The following PRR12 variants were observed in gnomAD, a reference collection of about 807,000 sequenced individuals.
PRR12 encodes proline rich 12.
Under a neutral mutation model 138.0 loss-of-function variants are expected in PRR12, and 12 were observed. That is an observed-to-expected ratio of 0.09 (90% CI 0.06 to 0.14). The LOEUF (loss-of-function observed/expected upper bound fraction) is 0.14. Among genes scored for constraint, PRR12 ranks in the 10% least tolerant of loss-of-function variants. The pLI is 1.00. For synonymous variants in PRR12, 1,567 were observed against 1,291.7 expected, an observed-to-expected ratio of 1.21 and a Z score of -4.57; for missense variants, 2,692 against 2,861.3, an observed-to-expected ratio of 0.94 and a Z score of 1.35.
chr19:49,603,403 A>AAT (rs1207087443), intron 6 of PRR12, among the ~76,000 whole-genome samples: 1 of 152,192 alleles, frequency 6.6e-6, no homozygotes, highest in African/African-American at 2.4e-5. Context: ...TGTGACATTT[A>AAT]ATCTTGGCGG....
rs1305473967 is a variant in PRR12, at chr19:49,595,421, C to T, written c.1086C>T (p.Ala362=). 1 of 1,546,168 alleles carries T rather than the reference C, an allele frequency of 6.5e-7. No individual in the cohort carries two copies. Among genetic ancestry groups the T allele is most frequent in the Non-Finnish European group, 8.7e-7 (1 of 1,145,894 alleles). The change falls in exon 4 of 14, where the codon GCC becomes GCT. Residue 362 remains alanine (A), a synonymous_variant. Coordinates refer to ENST00000418929, the MANE Select transcript of PRR12 (RefSeq NM_020719.3). ...CCACGGCTGGGGCATCTGGCCGGGC[C>T]ACGGGCCCTGAGGCAGCAGGGGGCG... is the stretch of plus-strand genomic sequence containing the variant. The part of the protein sequence containing the change: ...SGATAGASGR[A]TGPEAAGGGG...
In PRR12 at chr19:49,595,508, G is replaced by A. The variant is rs533594465; in HGVS notation, c.1173G>A (p.Thr391=). ...TCATTCAGTCGCCTGGGTACAAGACGGGCAAAGGTGGTTATGGAGCAGCTG... is the reference window on the plus strand; with the variant it reads ...TCATTCAGTCGCCTGGGTACAAGACAGGCAAAGGTGGTTATGGAGCAGCTG... ...RPIIQSPGYK[T]GKGGYGAAAG... Residue 391 remains threonine, a synonymous_variant, in exon 4 of 14, where the codon ACG becomes ACA. Transcript: ENST00000418929. 25 of 1,563,206 alleles carry A rather than the reference G, an allele frequency of 1.6e-5. No individual in the cohort carries two copies. The East Asian group carries it at 1.9e-4, about 12-fold the overall frequency.
chr19:49,597,173 C>T lies in PRR12; in HGVS notation c.2838C>T (p.Phe946=), dbSNP rs761439398. The T allele has an allele frequency of 3.2e-6, 5 of 1,553,520 alleles. No homozygotes were observed. Among genetic ancestry groups the T allele is most frequent in the Non-Finnish European group, 8.7e-7 (1 of 1,148,574 alleles). The part of the protein sequence containing the change: ...DSLLQDEERS[F]FPTMEEMFGG... Reference sequence around the variant, plus strand: ...TGCTCCAAGACGAGGAGCGCAGCTTCTTCCCCACCATGGAGGAGATGTTCG... The same window carrying T: ...TGCTCCAAGACGAGGAGCGCAGCTTTTTCCCCACCATGGAGGAGATGTTCG... Residue 946 remains phenylalanine (F), a synonymous_variant, in exon 4 of 14, where the codon TTC becomes TTT. Transcript: ENST00000418929. The surrounding 1 kb of genome is among the most constrained non-coding windows in gnomAD (Gnocchi z 6.3).
chr19:49,594,537 C>G lies in PRR12; in HGVS notation c.283C>G (p.Leu95Val). The change falls in exon 3 of 14, where the codon CTG (leucine) becomes GTG (valine). Residue 95 changes from leucine to valine, a missense_variant. This residue lies in a region of PRR12 where 211 missense variants were observed against 266.3 expected (regional missense o/e 0.79). Coordinates refer to ENST00000418929, the MANE Select transcript of PRR12 (RefSeq NM_020719.3). This position sits in a 1 kb window ranked among gnomAD's most constrained non-coding sequence, Gnocchi z 5.6. ...DASVMNLISA[L>V]ESRGPQPGPS... ...CTCCGTCATGAACCTTATCTCGGCC[C>G]TGGAATCCCGGGGCCCCCAGCCTGG... 1 of 1,613,066 alleles carries G rather than the reference C, an allele frequency of 6.2e-7. No homozygotes were observed. The highest frequency in any genetic ancestry group is 1.1e-5 in the South Asian group (1 of 91,036).
chr19:49,602,946 G>A (rs1356921166), intron 6 of PRR12, among the ~76,000 whole-genome samples: 1 of 152,238 alleles, frequency 6.6e-6, no homozygotes, highest in Non-Finnish European at 1.5e-5. Flanking sequence ...GCAGGAGCTT[G>A]AAAACTATGG....
rs1568424397 is a variant in PRR12 at position 49,599,141 on chromosome 19, G to A, written c.3679-131G>A. 1.2e-6 allele frequency: 1 copy of A among 849,202 alleles called. No homozygotes were observed. Among genetic ancestry groups the A allele is most frequent in the Non-Finnish European group, 1.7e-6 (1 of 572,380 alleles). The allele number at this position is 849,202 out of a possible 1,614,324, so 52.6% of individuals were successfully genotyped here. On this transcript the variant is annotated intron_variant, in intron 4 of 13. Transcript: ENST00000418929. The surrounding 1 kb of genome is among the most constrained non-coding windows in gnomAD (Gnocchi z 5.0). ...TTGTCCTCCTAGAATCTAAGACAAG[G>A]GGTCTGCAGGTTTGAATTCTATAAA...
chr19:49,604,768 C>T (rs925990330), intron 6 of PRR12, among the ~76,000 whole-genome samples: 16 of 152,230 alleles, frequency 1.1e-4, no homozygotes, highest in African/African-American at 2.9e-4. Flanking sequence ...ATAAAATAAA[C>T]TTGATTATAG....
Position 49,597,702 on chromosome 19 carries a change from G to A in PRR12, c.3367G>A (p.Asp1123Asn), listed in dbSNP as rs760778171. ...DIRLNPRRLP[D>N]LVSSCRSRPA... ...CCGCCTCAACCCCCGGCGCTTGCCTGACCTGGTCTCCAGCTGCCGCTCCCG... is the reference window on the plus strand; with the variant it reads ...CCGCCTCAACCCCCGGCGCTTGCCTAACCTGGTCTCCAGCTGCCGCTCCCG... Residue 1123 changes from aspartate (D) to asparagine (N), a missense_variant, in exon 4 of 14, where the codon GAC becomes AAC. Transcript: ENST00000418929. This position sits in a 1 kb window ranked among gnomAD's most constrained non-coding sequence, Gnocchi z 6.3. 1 of 1,606,518 alleles carries A rather than the reference G, an allele frequency of 6.2e-7. No homozygotes were observed. Among genetic ancestry groups the A allele is most frequent in the Non-Finnish European group, 8.5e-7 (1 of 1,177,764 alleles).
rs760498988 is a variant in PRR12, at chr19:49,595,119, T to C, written c.784T>C (p.Ser262Pro). 2 of 1,611,128 alleles carry C rather than the reference T, an allele frequency of 1.2e-6. No individual in the cohort carries two copies. The highest frequency in any genetic ancestry group is 1.7e-6 in the Non-Finnish European group (2 of 1,179,596). ...TGCCGCCGCCGCTGCCGAGCAGTCC[T>C]CCCCACAGCTCTATAACTTCTCGGG... ...SAAAAAAEQS[S>P]PQLYNFSGAA... Residue 262 changes from serine (S) to proline (P), a missense_variant, in exon 4 of 14, where the codon TCC (serine) becomes CCC (proline). Physicochemically the swap from Ser to Pro is moderately conservative, Grantham distance 74. Around this residue, in one of 11 missense-constraint regions of PRR12, gnomAD observed 523 missense variants for 496.4 expected, o/e 1.05. Coordinates refer to ENST00000418929, the MANE Select transcript of PRR12 (RefSeq NM_020719.3).
In PRR12 at chr19:49,599,760, C is replaced by G; in HGVS notation, c.4167C>G (p.Ala1389=). The change falls in exon 5 of 14, where the codon GCC becomes GCG. Residue 1389 remains alanine, a synonymous_variant. Transcript: ENST00000418929. The surrounding 1 kb of genome is among the most constrained non-coding windows in gnomAD (Gnocchi z 5.0). ...CCTCGGATGAGGAAGACTCTGTCGC[C>G]AAGAACCGAGACCTGCAGGAGAGCA... ...SFSSDEEDSV[A]KNRDLQESIS... The G allele has an allele frequency of 6.2e-7, 1 of 1,613,662 alleles. No homozygotes were observed. Among genetic ancestry groups the G allele is most frequent in the Non-Finnish European group, 8.5e-7 (1 of 1,179,898 alleles).
intron 6 of PRR12, among the ~76,000 whole-genome samples, chr19:49,612,083 T>G (rs2080869647): frequency 6.6e-6 from 1 of 151,438 alleles, no homozygotes; most frequent in Non-Finnish European, 1.5e-5. Flanking sequence ...ATACAAAAAT[T>G]AGCTGAGCGT....
chr19:49,594,118 G>A lies in PRR12; in HGVS notation c.200-336G>A, dbSNP rs936903978. 6.6e-6 allele frequency among the ~76,000 whole-genome samples: 1 copy of A among 151,840 alleles called. No individual in the cohort carries two copies. The highest frequency in any genetic ancestry group is 1.5e-5 in the Non-Finnish European group (1 of 67,960). On this transcript the variant is annotated intron_variant, in intron 2 of 13. Transcript: ENST00000418929. The surrounding 1 kb of genome is among the most constrained non-coding windows in gnomAD (Gnocchi z 5.6). ...TCCTTGCTGGAAATATCCAAATTTG[G>A]TCTCCCTCCCAGCCTTACTGAGGAC... is the stretch of plus-strand genomic sequence containing the variant.
rs541490753 is a variant in PRR12 at position 49,624,710 on chromosome 19, C to G, written c.5722-134C>G. 133 of 1,329,132 alleles carry G rather than the reference C, an allele frequency of 1.0e-4. No individual in the cohort carries two copies. The African/African-American group carries it at 1.9e-3, about 19-fold the overall frequency. 82.3% of individuals were successfully genotyped at this position (1,329,132 alleles called of 1,614,324 possible). A position where few individuals can be genotyped will look rare whatever the true frequency, so the allele number is the denominator to read the frequency against. ...CTGGTCAGGCCCAGCCTCCTCTGTC[C>G]TTTGAGGAGACTCTAGTTGTCTCTC... On this transcript the variant is annotated intron_variant, in intron 11 of 13. Transcript: ENST00000418929.
rs1324748685 is a variant in PRR12, at chr19:49,597,068, C to A, written c.2733C>A (p.Gly911=). Residue 911 remains glycine (G), a synonymous_variant, in exon 4 of 14, where the codon GGC becomes GGA. Transcript: ENST00000418929. This position sits in a 1 kb window ranked among gnomAD's most constrained non-coding sequence, Gnocchi z 6.3. ...ACTCGGAGGGCAAGGATCCCGCAGG[C>A]GCCTACCGCAGCCCCAGCCCGCAAG... ...PPNSEGKDPA[G]AYRSPSPQGT... 1.3e-6 allele frequency: 2 copies of A among 1,552,698 alleles called. No homozygotes were observed. The highest frequency in any genetic ancestry group is 4.9e-5 in the East Asian group (2 of 41,176).
At position 49,625,888 on chromosome 19, in the gene PRR12, T is replaced by G; in HGVS notation, c.*281T>G. The G allele has an allele frequency of 4.2e-6, 1 of 239,044 alleles. No individual in the cohort carries two copies. The allele number at this position is 239,044 out of a possible 1,614,324, so 14.8% of individuals were successfully genotyped here. The stretch of plus-strand genomic sequence containing the variant: ...TTTAGTAACGGTTTCCCTCTCCCCT[T>G]GCCCCGACCCCCCCTCCACAGCCAC... On this transcript the variant is annotated 3_prime_UTR_variant, in exon 14 of 14. Coordinates refer to ENST00000418929, the MANE Select transcript of PRR12 (RefSeq NM_020719.3). This position sits in a 1 kb window ranked among gnomAD's most constrained non-coding sequence, Gnocchi z 5.5.
rs781576069 is a variant in PRR12, at chr19:49,599,715, C to T, written c.4122C>T (p.Leu1374=). The T allele has an allele frequency of 2.9e-5, 46 of 1,613,454 alleles. No individual in the cohort carries two copies. Among genetic ancestry groups the T allele is most frequent in the African/African-American group, 2.3e-4 (17 of 74,938 alleles). ...KRLDEELKRN[L]ETLPSFSSDE... is the part of the protein sequence containing the mutation. The stretch of plus-strand genomic sequence containing the variant: ...TTGATGAGGAGCTGAAGCGGAACCT[C>T]GAGACGCTGCCCTCCTTCTCCTCGG... Residue 1374 remains leucine (L), a synonymous_variant, in exon 5 of 14, where the codon CTC becomes CTT. Transcript: ENST00000418929. This position sits in a 1 kb window ranked among gnomAD's most constrained non-coding sequence, Gnocchi z 5.0.
chr19:49,601,352 G>A (rs1399332269), intron 5 of PRR12, 139 bp from the exon 6 acceptor site: 1 of 613,938 alleles, frequency 1.6e-6, no homozygotes, highest in Non-Finnish European at 2.9e-6. Flanking sequence ...GAGAGACTCT[G>A]ATAGGGTAGA....
chr19:49,595,997 A>C lies in PRR12; in HGVS notation c.1662A>C (p.Gly554=). 1 of 1,600,810 alleles carries C rather than the reference A, an allele frequency of 6.2e-7. No homozygotes were observed. Among genetic ancestry groups the C allele is most frequent in the Non-Finnish European group, 8.5e-7 (1 of 1,179,658 alleles). Residue 554 remains glycine, a synonymous_variant, in exon 4 of 14, where the codon GGA becomes GGC. Coordinates refer to ENST00000418929, the MANE Select transcript of PRR12 (RefSeq NM_020719.3). The part of the protein sequence containing the change: ...HGGGWGPSSL[G]GGGEASPSHI... ...GTGGCTGGGGACCCAGCTCCCTGGG[A>C]GGCGGCGGTGAGGCCAGCCCATCTC...
Position 49,614,688 on chromosome 19 carries a change from G to C in PRR12, c.4890+39G>C. The C allele has an allele frequency of 5.2e-6, 8 of 1,525,306 alleles. No individual in the cohort carries two copies. Among genetic ancestry groups the C allele is most frequent in the Non-Finnish European group, 7.1e-6 (8 of 1,125,358 alleles). 94.5% of individuals were successfully genotyped at this position (1,525,306 alleles called of 1,614,324 possible). ...GGGGACCAAGGACTTGGGGGCCCCG[G>C]GGCGTGGTATCTAGGAGCTGGGGTT... On this transcript the variant is annotated intron_variant, in intron 7 of 13. Coordinates refer to ENST00000418929, the MANE Select transcript of PRR12 (RefSeq NM_020719.3). This position sits in a 1 kb window ranked among gnomAD's most constrained non-coding sequence, Gnocchi z 5.0.
Sources: gnomAD v4.1 joint callset for allele counts (sites outside exome capture counted in the v4.1 genomes callset) on GRCh38, gnomAD v4.1.1 for gene constraint, gnomAD v4.1.1 regional missense constraint, Gnocchi (gnomAD v3.1) non-coding constraint, MANE v1.5 for transcripts, NCBI Gene and HGNC (gene_info 2026-07-23, HGNC 2026-07-21) for gene names.